The following UGGT2 variants were observed in gnomAD, a reference collection of about 807,000 sequenced individuals.
UGGT2 encodes the protein UDP-glucose:glycoprotein glucosyltransferase 2.
UGGT2 carries 180 observed loss-of-function variants against 192.1 expected under a neutral mutation model. The observed-to-expected ratio is 0.94, with a 90% CI of 0.83 to 1.06. The LOEUF (loss-of-function observed/expected upper bound fraction) is 1.06. UGGT2 is among the 50% of genes least tolerant of loss of function. The pLI, the probability that UGGT2 is intolerant of heterozygous loss-of-function variation, is 0.00. For synonymous variants in UGGT2, 580 were observed against 591.0 expected, an observed-to-expected ratio of 0.98 and a Z score of 0.27; for missense variants, 1,849 against 1,795.7, an observed-to-expected ratio of 1.03 and a Z score of -0.54.
chr13:95,847,174 C>A (rs1442242275), intron 36 of UGGT2, among the ~76,000 whole-genome samples: 1 of 150,212 alleles, frequency 6.7e-6, no homozygotes, highest in Non-Finnish European at 1.5e-5. Flanking sequence ...AGGTTCACAG[C>A]CAAATTAAGA....
intron 22 of UGGT2, among the ~76,000 whole-genome samples, chr13:95,899,552 C>G (rs2048044178): frequency 6.6e-6 from 1 of 151,796 alleles, no homozygotes; most frequent in African/African-American, 2.4e-5. Flanking sequence ...TCATTAATGT[C>G]AATAACACTA....
In UGGT2 at chr13:95,867,381, AATG is replaced by A; in HGVS notation, c.3513_3515del (p.Ile1172del). 1.2e-6 allele frequency: 2 copies of A among 1,609,508 alleles called. No individual in the cohort carries two copies. The highest frequency in any genetic ancestry group is 2.7e-5 in the African/African-American group (2 of 74,860). ...TGCTTTTGAAGCTGTTTAATACAAC[AATG>A]ATATCTTCTAGGTCTGCTTGAGAGT... On this transcript the variant is annotated inframe_deletion, in exon 30 of 39. Transcript: ENST00000376747.
intron 6 of UGGT2, among the ~76,000 whole-genome samples, chr13:95,997,141 T>C (rs2051648764): frequency 6.6e-6 from 1 of 152,154 alleles, no homozygotes; most frequent in Admixed American, 6.6e-5. Flanking sequence ...TTTCCTCTTG[T>C]TTGTTCATTC....
At chr13:95,927,636 T>G (rs2049069107) in intron 17 of UGGT2, among the ~76,000 whole-genome samples, 1 of 152,144 alleles carries the variant, frequency 6.6e-6, no homozygotes, top group Non-Finnish European at 1.5e-5. Flanking sequence ...TTTTTTTGTT[T>G]GTTTGTTTGT....
At chr13:95,962,248 ATAC>A (rs1215215668) in intron 12 of UGGT2, among the ~76,000 whole-genome samples, 2 of 152,176 alleles carry the variant, frequency 1.3e-5, no homozygotes, top group Non-Finnish European at 2.9e-5. Context: ...AATGAAATTG[ATAC>A]TAAAGAAAAA....
intron 12 of UGGT2, among the ~76,000 whole-genome samples, chr13:95,965,771 C>A (rs1375444194): frequency 1.3e-5 from 2 of 151,914 alleles, no homozygotes; most frequent in Non-Finnish European, 2.9e-5. Flanking sequence ...AGAAATTATA[C>A]AGATGGCAAA....
intron 37 of UGGT2, among the ~76,000 whole-genome samples, chr13:95,836,800 C>G (rs1887332985): frequency 6.7e-6 from 1 of 150,362 alleles, no homozygotes; most frequent in Non-Finnish European, 1.5e-5. Context: ...TGCCTTTTCC[C>G]TTTGCTGACT....
chr13:95,848,233 T>C (rs559165641), intron 36 of UGGT2, among the ~76,000 whole-genome samples: 3 of 152,330 alleles, frequency 2.0e-5, no homozygotes, highest in South Asian at 2.1e-4. Context: ...TTTACAAATA[T>C]ATTTTTGCCA....
intron 24 of UGGT2, among the ~76,000 whole-genome samples, chr13:95,893,291 C>T (rs1364832999): frequency 6.6e-6 from 1 of 152,028 alleles, no homozygotes; most frequent in African/African-American, 2.4e-5. Context: ...TAAAATGACT[C>T]CCTATAGACA....
chr13:95,907,262 G>A (rs376858399), intron 20 of UGGT2, among the ~76,000 whole-genome samples: 18 of 152,250 alleles, frequency 1.2e-4, no homozygotes, highest in African/African-American at 4.3e-4. Flanking sequence ...TGGGAAGCTC[G>A]AACTAGGGGC....
chr13:95,936,654 G>A lies in UGGT2; in HGVS notation c.1977+270C>T, dbSNP rs571881483. Among the ~76,000 whole-genome samples, 4 of 152,352 alleles carry A rather than the reference G, an allele frequency of 2.6e-5. No homozygotes were observed. The East Asian group carries it at 7.7e-4, about 29-fold the overall frequency. On this transcript the variant is annotated intron_variant, in intron 17 of 38. Coordinates refer to ENST00000376747, the MANE Select transcript of UGGT2 (RefSeq NM_020121.4). ...CCAAGTTCTCTGCAGAGGGAGCGGG[G>A]TAGCCTAAACTCCTAATCGAGGACA... is the stretch of plus-strand genomic sequence containing the variant.
intron 36 of UGGT2, among the ~76,000 whole-genome samples, chr13:95,840,781 G>A (rs1433634009): frequency 1.3e-5 from 2 of 152,180 alleles, no homozygotes; most frequent in Admixed American, 6.5e-5. Flanking sequence ...ATTTACAATA[G>A]CAAAGACTTG....
intron 4 of UGGT2, among the ~76,000 whole-genome samples, chr13:96,022,808 G>A (rs1011243085): frequency 2.6e-5 from 4 of 151,838 alleles, no homozygotes; most frequent in Non-Finnish European, 2.9e-5. Flanking sequence ...AACAAGTTAT[G>A]CTTATATGAA....
At chr13:96,028,448 T>C (rs2052731273) in intron 2 of UGGT2, among the ~76,000 whole-genome samples, 1 of 152,192 alleles carries the variant, frequency 6.6e-6, no homozygotes, top group Non-Finnish European at 1.5e-5. Flanking sequence ...GAAGTAAAAA[T>C]AAACAGGCAT....
intron 1 of UGGT2, among the ~76,000 whole-genome samples, chr13:96,035,881 T>C (rs1269072349): frequency 6.6e-6 from 1 of 152,132 alleles, no homozygotes; most frequent in Non-Finnish European, 1.5e-5. Context: ...CCAGTCAGAA[T>C]GGTGATTATT....
At chr13:95,859,066 A>AT (rs1889900997) in intron 33 of UGGT2, among the ~76,000 whole-genome samples, 1 of 152,262 alleles carries the variant, frequency 6.6e-6, no homozygotes, top group East Asian at 1.9e-4. Context: ...TTGTAGCAGG[A>AT]GTATAGGGCT....
intron 31 of UGGT2, 54 bp downstream of exon 31, chr13:95,863,575 T>TTA: frequency 7.0e-7 from 1 of 1,427,592 alleles, no homozygotes; most frequent in East Asian, 2.3e-5. Context: ...AACTTCCACA[T>TTA]ACTAGACTTC....
At chr13:96,018,119 A>C (rs936893695) in intron 4 of UGGT2, among the ~76,000 whole-genome samples, 1 of 152,216 alleles carries the variant, frequency 6.6e-6, no homozygotes, top group Non-Finnish European at 1.5e-5. Flanking sequence ...TGCTAGTAAA[A>C]AAAGAATAGT....
intron 26 of UGGT2, among the ~76,000 whole-genome samples, chr13:95,885,882 T>A (rs2047631651): frequency 6.6e-6 from 1 of 151,928 alleles, no homozygotes; most frequent in South Asian, 2.1e-4. Flanking sequence ...GTACAGTGAA[T>A]GAGATATGAA....
Sources: allele counts gnomAD v4.1 joint callset (sites outside exome capture counted in the v4.1 genomes callset), GRCh38; gene constraint gnomAD v4.1.1; transcripts MANE v1.5; gene names NCBI Gene and HGNC (gene_info 2026-07-23, HGNC 2026-07-21).